LINGO2: variants seen among roughly 807,000 people sequenced by gnomAD.
The protein encoded by LINGO2 is leucine rich repeat and Ig domain containing 2, also known as leucine-rich repeat and immunoglobulin-like domain-containing nogo receptor-interacting protein 2.
A neutral mutation model predicts 30.6 loss-of-function variants in LINGO2; 14 were observed. The ratio of observed to expected loss-of-function variants is 0.46; its 90% confidence interval spans 0.30 to 0.72. The LOEUF (loss-of-function observed/expected upper bound fraction) is 0.72. LINGO2 is among the 30% of genes least tolerant of loss of function. The pLI, the probability that LINGO2 is intolerant of heterozygous loss-of-function variation, is 0.07. For missense variants in LINGO2, 729 were observed against 751.7 expected, an observed-to-expected ratio of 0.97 and a Z score of 0.35; for synonymous variants, 317 against 288.5, an observed-to-expected ratio of 1.10 and a Z score of -1.00.
At chr9:28,212,774 G>A (rs1344436351) in intron 4 of LINGO2, among the ~76,000 whole-genome samples, 4 of 151,296 alleles carry the variant, frequency 2.6e-5, no homozygotes, top group Non-Finnish European at 5.9e-5. Flanking sequence ...AGCCACATGA[G>A]GTTAGTACCT....
At chr9:28,719,878 T>G in the LINGO2 span, among the ~76,000 whole-genome samples, 1 of 152,086 alleles carries the variant, frequency 6.6e-6, no homozygotes, top group Non-Finnish European at 1.5e-5. Flanking sequence ...ACTAACTTGC[T>G]TAATTATGTA....
chr9:28,101,759 C>A (rs1826422800), intron 4 of LINGO2, among the ~76,000 whole-genome samples: 1 of 152,108 alleles, frequency 6.6e-6, no homozygotes, highest in African/African-American at 2.4e-5. Flanking sequence ...GCCTTATCAG[C>A]CCACACTGCT....
chr9:28,993,995 A>G, the LINGO2 span, among the ~76,000 whole-genome samples: 2 of 151,368 alleles, frequency 1.3e-5, no homozygotes, highest in Admixed American at 6.6e-5. Context: ...CCTATTCAAC[A>G]TAGTGTTGGA....
chr9:28,929,299 C>T, the LINGO2 span, among the ~76,000 whole-genome samples: 1 of 152,216 alleles, frequency 6.6e-6, no homozygotes, highest in African/African-American at 2.4e-5. Context: ...TGTTCAAAAG[C>T]TTAAATGCTT....
chr9:28,172,918 A>G (rs541608697), intron 4 of LINGO2, among the ~76,000 whole-genome samples: 1 of 152,262 alleles, frequency 6.6e-6, no homozygotes, highest in South Asian at 2.1e-4. Flanking sequence ...TCATTGATGG[A>G]CTGGAGTAAT....
At chr9:29,015,643 C>T in the LINGO2 span, among the ~76,000 whole-genome samples, 1 of 152,080 alleles carries the variant, frequency 6.6e-6, no homozygotes, top group Non-Finnish European at 1.5e-5. Context: ...GTGAAGTGTT[C>T]TCTACCAGTA....
chr9:29,092,261 G>A, the LINGO2 span, among the ~76,000 whole-genome samples: 1 of 152,088 alleles, frequency 6.6e-6, no homozygotes, highest in South Asian at 2.1e-4. Context: ...ACAGATCAAA[G>A]TGTGCTGGGC....
rs141100862 is a variant in LINGO2 at position 28,139,162 on chromosome 9, C to T, written c.-86-126757G>A. On this transcript the variant is annotated intron_variant, in intron 4 of 5. Coordinates refer to ENST00000379992, the Ensembl canonical transcript of LINGO2. ...GCCACAGTTGTGCAGCTAAGTGATG[C>T]AGGGTATGGACCTTAGCAGTAACTC... Among the ~76,000 whole-genome samples the T allele has an allele frequency of 1.5e-4, 23 of 152,292 alleles. 1 individual carries two copies. The East Asian group carries it at 4.4e-3, about 29-fold the overall frequency.
At chr9:28,678,527 A>T in the LINGO2 span, among the ~76,000 whole-genome samples, 1 of 152,120 alleles carries the variant, frequency 6.6e-6, no homozygotes, top group Non-Finnish European at 1.5e-5. Flanking sequence ...CTGAGTTTAA[A>T]TCTTGAGTGC....
the LINGO2 span, among the ~76,000 whole-genome samples, chr9:28,990,868 T>C: frequency 2.0e-5 from 3 of 152,140 alleles, no homozygotes; most frequent in African/African-American, 7.2e-5. Flanking sequence ...ATCACCATCA[T>C]CACCATCATC....
At chr9:28,183,795 C>G (rs1398892955) in intron 4 of LINGO2, among the ~76,000 whole-genome samples, 1 of 152,136 alleles carries the variant, frequency 6.6e-6, no homozygotes, top group Non-Finnish European at 1.5e-5. Context: ...TAAACATATG[C>G]TATTTTGGAA....
chr9:28,584,559 A>T (rs914129462), intron 1 of LINGO2, among the ~76,000 whole-genome samples: 1 of 152,060 alleles, frequency 6.6e-6, no homozygotes, highest in Non-Finnish European at 1.5e-5. Flanking sequence ...CCAAAAAAAA[A>T]TTATCCCTGT....
chr9:29,059,097 T>G, the LINGO2 span, among the ~76,000 whole-genome samples: 2 of 151,894 alleles, frequency 1.3e-5, no homozygotes, highest in Admixed American at 1.3e-4. Flanking sequence ...ATGAGAGATT[T>G]ATATGCTAAA....
chr9:28,117,772 C>T (rs892958135), intron 4 of LINGO2, among the ~76,000 whole-genome samples: 9 of 149,200 alleles, frequency 6.0e-5, no homozygotes, highest in South Asian at 2.1e-4. Context: ...CTTCGGCTCG[C>T]GGACGGTGCG....
chr9:28,622,304 A>G (rs1826436442), intron 1 of LINGO2, among the ~76,000 whole-genome samples: 1 of 135,394 alleles, frequency 7.4e-6, no homozygotes, highest in South Asian at 2.2e-4. Flanking sequence ...CTAATCCCCC[A>G]ATACCCTCCC....
chr9:28,953,556 T>G, the LINGO2 span, among the ~76,000 whole-genome samples: 1 of 151,888 alleles, frequency 6.6e-6, no homozygotes, highest in Admixed American at 6.6e-5. Context: ...ATTAGGGGAG[T>G]GAGACTGTTC....
the LINGO2 span, among the ~76,000 whole-genome samples, chr9:28,905,789 C>T: frequency 4.6e-5 from 7 of 152,112 alleles, no homozygotes; most frequent in African/African-American, 1.2e-4. Context: ...GTCATATGAT[C>T]CAGCAATCCC....
chr9:27,996,409 T>C (rs1352456307), intron 5 of LINGO2, among the ~76,000 whole-genome samples: 3 of 151,940 alleles, frequency 2.0e-5, no homozygotes, highest in African/African-American at 4.8e-5. Flanking sequence ...GACAAATAGG[T>C]AAAAAATGTG....
At chr9:28,826,355 A>T in the LINGO2 span, among the ~76,000 whole-genome samples, 1 of 152,160 alleles carries the variant, frequency 6.6e-6, no homozygotes, top group African/African-American at 2.4e-5. Context: ...CAGAAGAAAG[A>T]TCTAATGAGA....
Sources: gnomAD v4.1 joint callset for allele counts (sites outside exome capture counted in the v4.1 genomes callset) on GRCh38, gnomAD v4.1.1 for gene constraint, MANE v1.5 for transcripts, NCBI Gene and HGNC (gene_info 2026-07-23, HGNC 2026-07-21) for gene names.